Variants in ARMC2 observed in about 807,000 individuals in gnomAD.
The protein encoded by ARMC2 is armadillo repeat containing 2, also known as armadillo repeat-containing protein 2.
In ARMC2, 67 loss-of-function variants were observed where a neutral mutation model predicts 90.3. The observed-to-expected ratio is 0.74, with a 90% CI of 0.61 to 0.91. ARMC2 has a LOEUF of 0.91. Ranked by LOEUF, ARMC2 falls within the 40% of genes least tolerant of loss-of-function variation. The pLI is 0.00. For missense variants in ARMC2, 920 were observed against 1,030.9 expected (o/e 0.89, Z 1.47); for synonymous variants, 393 against 393.0 (o/e 1.00, Z 0.00).
At position 108,893,837 on chromosome 6, in the gene ARMC2, C is replaced by T. The variant is rs540570460; in HGVS notation, c.672-630C>T. 5.9e-5 allele frequency among the ~76,000 whole-genome samples: 9 copies of T among 151,728 alleles called. No individual in the cohort carries two copies. In the South Asian group the frequency reaches 6.2e-4, roughly 11 times the overall value. ...TTTGAGAACAGCCTGGCCAACATGG[C>T]GAAACCCCCGTCTCTACTAAAAATA... On this transcript the variant is annotated intron_variant, in intron 5 of 17. Coordinates refer to ENST00000392644, the MANE Select transcript of ARMC2 (RefSeq NM_032131.6).
chr6:108,970,062 C>G (rs1007431781), intron 17 of ARMC2, among the ~76,000 whole-genome samples: 1 of 152,000 alleles, frequency 6.6e-6, no homozygotes, highest in Non-Finnish European at 1.5e-5. Flanking sequence ...AATCATAGAT[C>G]TAAATTTTTA....
chr6:108,900,132 A>G (rs1771980578), intron 7 of ARMC2, among the ~76,000 whole-genome samples: 1 of 152,212 alleles, frequency 6.6e-6, no homozygotes, highest in South Asian at 2.1e-4. Context: ...AGAAAGTAAA[A>G]GATTAAAACA....
At chr6:108,988,666 A>G in the ARMC2 span, 2 of 1,609,376 alleles carry the variant, frequency 1.2e-6, no homozygotes, top group Non-Finnish European at 1.7e-6. Flanking sequence ...GGTTAATTTC[A>G]CCATAGTCAT....
the ARMC2 span, among the ~76,000 whole-genome samples, chr6:109,019,204 A>AACAC: frequency 6.6e-6 from 1 of 151,916 alleles, no homozygotes; most frequent in Non-Finnish European, 1.5e-5. Context: ...CACACACACA[A>AACAC]ACACACACAC....
chr6:108,924,408 C>G (rs1774908440), intron 10 of ARMC2, among the ~76,000 whole-genome samples: 1 of 152,080 alleles, frequency 6.6e-6, no homozygotes, highest in South Asian at 2.1e-4. Context: ...ATCCCAGCTA[C>G]TCGGGAGGCT....
intron 12 of ARMC2, among the ~76,000 whole-genome samples, chr6:108,938,599 CTTTT>C (rs4027582): frequency 6.0e-5 from 5 of 83,102 alleles, no homozygotes; most frequent in Non-Finnish European, 8.9e-5. Context: ...CCATTACTAC[CTTTT>C]TTTTTTTTTT....
At chr6:108,917,992 G>T (rs1774146045) in intron 10 of ARMC2, among the ~76,000 whole-genome samples, 1 of 152,144 alleles carries the variant, frequency 6.6e-6, no homozygotes, top group Non-Finnish European at 1.5e-5. Flanking sequence ...AAATTAGCTT[G>T]AATATAAAAC....
chr6:109,046,240 C>T, the ARMC2 span, among the ~76,000 whole-genome samples: 2 of 149,766 alleles, frequency 1.3e-5, no homozygotes, highest in African/African-American at 2.4e-5. Context: ...ATTGCAGGCA[C>T]GCGCCGCCAC....
chr6:108,880,525 T>C (rs927082936), intron 5 of ARMC2, among the ~76,000 whole-genome samples: 3 of 152,174 alleles, frequency 2.0e-5, no homozygotes, highest in African/African-American at 7.2e-5. Flanking sequence ...AGAGAGATGC[T>C]GAGAGGGAAG....
the ARMC2 span, among the ~76,000 whole-genome samples, chr6:109,019,599 T>G: frequency 6.6e-6 from 1 of 152,206 alleles, no homozygotes; most frequent in African/African-American, 2.4e-5. Context: ...CTCTTATCCT[T>G]TAGTGACACA....
At chr6:108,982,344 G>GGA in the ARMC2 span, among the ~76,000 whole-genome samples, 1 of 152,094 alleles carries the variant, frequency 6.6e-6, no homozygotes, top group African/African-American at 2.4e-5. Context: ...CTCACATGGT[G>GGA]GAGAGAGAGA....
At chr6:108,932,517 T>TA (rs1775641036) in intron 11 of ARMC2, among the ~76,000 whole-genome samples, 1 of 6,198 alleles carries the variant, frequency 1.6e-4, no homozygotes, top group African/African-American at 2.4e-4. Context: ...TCTCCATTGC[T>TA]TTTTTTTTTT....
intron 4 of ARMC2, among the ~76,000 whole-genome samples, chr6:108,874,671 G>T (rs1776763725): frequency 6.6e-6 from 1 of 152,124 alleles, no homozygotes; most frequent in Non-Finnish European, 1.5e-5. Flanking sequence ...GACCATGGAA[G>T]GTGGTGTGAA....
intron 17 of ARMC2, among the ~76,000 whole-genome samples, chr6:108,966,464 C>T (rs1322404442): frequency 6.6e-6 from 1 of 152,152 alleles, no homozygotes; most frequent in East Asian, 1.9e-4. Flanking sequence ...CTGACGTGCT[C>T]TGGAAACTCT....
At chr6:109,020,603 A>G in the ARMC2 span, among the ~76,000 whole-genome samples, 1 of 152,080 alleles carries the variant, frequency 6.6e-6, no homozygotes, top group Non-Finnish European at 1.5e-5. Context: ...TTTCCTCTTT[A>G]TTTCTATCAC....
At chr6:109,009,759 T>C in the ARMC2 span, among the ~76,000 whole-genome samples, 26 of 152,012 alleles carry the variant, frequency 1.7e-4, no homozygotes, top group Admixed American at 4.6e-4. Context: ...GAACAGCTAA[T>C]TCTCAGGTAC....
Position 108,910,880 on chromosome 6 carries a change from T to C in ARMC2, c.1024-19T>C. On this transcript the variant is annotated intron_variant, in intron 8 of 17. Coordinates refer to ENST00000392644, the MANE Select transcript of ARMC2 (RefSeq NM_032131.6). Reference sequence around the variant, plus strand: ...TCTTTATTTCCTTCTGCAATAGAGATGTGTTTCTTTCTCTGCAGCTTAAAG... The same window carrying C: ...TCTTTATTTCCTTCTGCAATAGAGACGTGTTTCTTTCTCTGCAGCTTAAAG... 1 of 1,264,192 alleles carries C rather than the reference T, an allele frequency of 7.9e-7. No homozygotes were observed. Among genetic ancestry groups the C allele is most frequent in the Non-Finnish European group, 1.1e-6 (1 of 906,714 alleles). The allele number at this position is 1,264,192 out of a possible 1,614,324, so 78.3% of individuals were successfully genotyped here.
In ARMC2 at chr6:108,877,444, A is replaced by AT. The variant is rs371280672; in HGVS notation, c.671+1101dup. Among the ~76,000 whole-genome samples the AT allele has an allele frequency of 2.6e-5, 4 of 152,308 alleles. No homozygotes were observed. The East Asian group carries it at 5.8e-4, about 22-fold the overall frequency. Reference sequence around the variant, plus strand: ...TGTAATGTCATTTCACATTCAGAACATTTTTTTAAATTAAAGGAAAAATGA... The same window carrying AT: ...TGTAATGTCATTTCACATTCAGAACATTTTTTTTAAATTAAAGGAAAAATGA... On this transcript the variant is annotated intron_variant, in intron 5 of 17. Transcript: ENST00000392644.
Position 108,958,332 on chromosome 6 carries a change from C to T in ARMC2, c.1916-3240C>T, listed in dbSNP as rs573322479. On this transcript the variant is annotated intron_variant, in intron 13 of 17. Transcript: ENST00000392644. Reference sequence around the variant, plus strand: ...AGGTGACTGAGACAGATGCACCTTTCGAGAATGAATTATTGTGGGTGTGAA... The same window carrying T: ...AGGTGACTGAGACAGATGCACCTTTTGAGAATGAATTATTGTGGGTGTGAA... 1.1e-3 allele frequency among the ~76,000 whole-genome samples: 170 copies of T among 152,222 alleles called. 1 individual carries two copies. Among genetic ancestry groups the T allele is most frequent in the Middle Eastern group, 6.8e-3 (2 of 294 alleles).
Sources: gnomAD v4.1 joint callset for allele counts (sites outside exome capture counted in the v4.1 genomes callset) on GRCh38, gnomAD v4.1.1 for gene constraint, MANE v1.5 for transcripts, NCBI Gene and HGNC (gene_info 2026-07-23, HGNC 2026-07-21) for gene names.